COG5: variants seen among roughly 807,000 people sequenced by gnomAD.
COG5 encodes conserved oligomeric Golgi complex subunit 5.
In COG5, 86 loss-of-function variants were observed where a neutral mutation model predicts 110.4. The observed-to-expected ratio is 0.78, with a 90% CI of 0.65 to 0.93. The LOEUF (loss-of-function observed/expected upper bound fraction) is 0.93. COG5 is among the 40% of genes least tolerant of loss of function. The pLI, the probability that COG5 is intolerant of heterozygous loss-of-function variation, is 0.00. For missense variants in COG5, 1,077 were observed against 987.0 expected (o/e 1.09, Z -1.22); for synonymous variants, 360 against 334.6 (o/e 1.08, Z -0.83).
intron 7 of COG5, among the ~76,000 whole-genome samples, chr7:107,402,713 G>A (rs1791526621): frequency 6.6e-6 from 1 of 152,212 alleles, no homozygotes; most frequent in Non-Finnish European, 1.5e-5. Context: ...AGGAAGAGCT[G>A]CAGGTGGATG....
At chr7:107,538,874 T>C (rs1801778648) in intron 5 of COG5, among the ~76,000 whole-genome samples, 1 of 152,130 alleles carries the variant, frequency 6.6e-6, no homozygotes, top group Non-Finnish European at 1.5e-5. Context: ...GATAAACAAA[T>C]TGAATGGATA....
At chr7:107,415,863 C>CGTAT (rs1343736305) in intron 6 of COG5, among the ~76,000 whole-genome samples, 1 of 87,176 alleles carries the variant, frequency 1.1e-5, no homozygotes, top group Non-Finnish European at 2.6e-5. Flanking sequence ...CACACATACA[C>CGTAT]GTATGTATGT....
chr7:107,237,941 C>G (rs776023445), intron 17 of COG5, among the ~76,000 whole-genome samples: 9 of 151,980 alleles, frequency 5.9e-5, no homozygotes, highest in Admixed American at 2.0e-4. Context: ...ATAAAAGAAG[C>G]CTCCCTATCC....
intron 7 of COG5, among the ~76,000 whole-genome samples, chr7:107,411,370 A>G (rs1380592683): frequency 6.6e-6 from 1 of 152,012 alleles, no homozygotes; most frequent in African/African-American, 2.4e-5. Flanking sequence ...TAAACGGTGT[A>G]ACAGTTTCAT....
intron 11 of COG5, among the ~76,000 whole-genome samples, chr7:107,305,778 T>C (rs558827253): frequency 1.3e-5 from 2 of 151,870 alleles, no homozygotes; most frequent in East Asian, 3.9e-4. Flanking sequence ...TCTTGCCAAG[T>C]GGAATGGTAT....
chr7:107,236,959 T>C (rs909788033), intron 17 of COG5, among the ~76,000 whole-genome samples: 2 of 152,218 alleles, frequency 1.3e-5, no homozygotes, highest in African/African-American at 2.4e-5. Context: ...TAGACAACCA[T>C]CTGTCTTGGA....
intron 6 of COG5, among the ~76,000 whole-genome samples, chr7:107,434,182 G>A (rs1243595711): frequency 6.6e-6 from 1 of 152,134 alleles, no homozygotes; most frequent in African/African-American, 2.4e-5. Context: ...TGTTGGCAAG[G>A]ATGTAGAAAA....
intron 6 of COG5, among the ~76,000 whole-genome samples, chr7:107,520,319 T>A (rs915250637): frequency 6.6e-6 from 1 of 152,066 alleles, no homozygotes; most frequent in African/African-American, 2.4e-5. Flanking sequence ...CAGAAAGAAA[T>A]AAAGCGTATT....
chr7:107,520,657 A>G (rs574902528), intron 6 of COG5, among the ~76,000 whole-genome samples: 7 of 152,348 alleles, frequency 4.6e-5, no homozygotes, highest in Admixed American at 2.0e-4. Flanking sequence ...ACACAAACTA[A>G]TAAGAAAACA....
chr7:107,224,154 C>G (rs1342086045), intron 19 of COG5, among the ~76,000 whole-genome samples: 1 of 152,144 alleles, frequency 6.6e-6, no homozygotes. Flanking sequence ...GGGTTAAGGG[C>G]TCCAGATCCA....
intron 3 of COG5, among the ~76,000 whole-genome samples, chr7:107,552,444 C>T (rs1005599429): frequency 3.3e-5 from 5 of 151,992 alleles, no homozygotes; most frequent in African/African-American, 1.2e-4. Flanking sequence ...AAAAACACAA[C>T]TCCATTAAAA....
intron 17 of COG5, 23 bp from the exon 18 acceptor site, chr7:107,236,710 T>C: frequency 1.4e-6 from 2 of 1,475,094 alleles, no homozygotes; most frequent in African/African-American, 1.4e-5. Flanking sequence ...AAGCAGCCCT[T>C]TTCAGCACCG....
chr7:107,428,332 A>G (rs1793788564), intron 6 of COG5, among the ~76,000 whole-genome samples: 1 of 152,166 alleles, frequency 6.6e-6, no homozygotes, highest in South Asian at 2.1e-4. Flanking sequence ...CCCCTAATCC[A>G]ATGACTGGTG....
intron 7 of COG5, among the ~76,000 whole-genome samples, chr7:107,410,193 A>G (rs1227372302): frequency 6.6e-6 from 1 of 152,190 alleles, no homozygotes; most frequent in Non-Finnish European, 1.5e-5. Context: ...TACCAGATCT[A>G]CTGAATCAGA....
At chr7:107,437,382 C>T (rs1794431272) in intron 6 of COG5, among the ~76,000 whole-genome samples, 1 of 152,098 alleles carries the variant, frequency 6.6e-6, no homozygotes, top group South Asian at 2.1e-4. Context: ...CAAGCCAAAA[C>T]CTGAGGTTTA....
intron 8 of COG5, among the ~76,000 whole-genome samples, chr7:107,363,641 C>G (rs1050696144): frequency 6.6e-6 from 1 of 151,996 alleles, no homozygotes; most frequent in South Asian, 2.1e-4. Flanking sequence ...CAAAGAGTAT[C>G]GATGGATACC....
At chr7:107,273,312 T>A (rs1804432205) in intron 14 of COG5, among the ~76,000 whole-genome samples, 1 of 152,230 alleles carries the variant, frequency 6.6e-6, no homozygotes, top group African/African-American at 2.4e-5. Context: ...TAATGTGATA[T>A]GTATTTGTAT....
chr7:107,377,979 C>T (rs1003237879), intron 7 of COG5, among the ~76,000 whole-genome samples: 2 of 152,242 alleles, frequency 1.3e-5, no homozygotes, highest in African/African-American at 4.8e-5. Flanking sequence ...GCCTGGGAGA[C>T]ACCTCCCAGC....
chr7:107,344,329 A>C (rs894860439), intron 10 of COG5, among the ~76,000 whole-genome samples: 1 of 152,070 alleles, frequency 6.6e-6, no homozygotes, highest in African/African-American at 2.4e-5. Flanking sequence ...TTTTCCCTTA[A>C]ACCTCATGAA....
Sources: gnomAD v4.1 joint callset for allele counts (sites outside exome capture counted in the v4.1 genomes callset) on GRCh38, gnomAD v4.1.1 for gene constraint, MANE v1.5 for transcripts, NCBI Gene and HGNC (gene_info 2026-07-23, HGNC 2026-07-21) for gene names.